Variants in LZTR1 observed in about 807,000 individuals in gnomAD.
LZTR1 encodes leucine-zipper-like transcriptional regulator 1.
LZTR1 carries 260 observed loss-of-function variants against 105.7 expected under a neutral mutation model. The ratio of observed to expected loss-of-function variants is 2.46; its 90% CI spans 2.22 to 2.72. LZTR1 has a LOEUF of 2.72. Ranked by LOEUF, LZTR1 falls within the 30% of genes most tolerant of loss-of-function variation. LZTR1 has a pLI of 0.00. For missense variants in LZTR1, 1,214 were observed against 1,166.9 expected (o/e 1.04, Z -0.59); for synonymous variants, 490 against 476.4 (o/e 1.03, Z -0.37).
intron 4 of LZTR1, 36 bp downstream of exon 4, chr22:20,987,619 C>T: frequency 6.3e-7 from 1 of 1,583,638 alleles, no homozygotes; most frequent in Non-Finnish European, 8.7e-7. Context: ...GCTGTGTCGC[C>T]CCGAGGCCCA....
rs139080986 is a variant in LZTR1 at position 20,995,996 on chromosome 22, C to T, written c.2103C>T (p.Pro701=). The T allele has an allele frequency of 6.5e-4, 1,052 of 1,613,716 alleles. 6 individuals carry two copies. The African/African-American group carries it at 0.013, about 19-fold the overall frequency. The change falls in exon 18 of 21, where the codon CCC becomes CCT. Residue 701 remains proline (P), a synonymous_variant. Transcript: ENST00000646124. ...YFEAMFRSFM[P]EDGQVNISIG... is the part of the protein sequence containing the mutation. Reference sequence around the variant, plus strand: ...AAGCCATGTTCCGGTCCTTCATGCCCGAAGATGGGCAGGTGAACATCTCCA... The same window carrying T: ...AAGCCATGTTCCGGTCCTTCATGCCTGAAGATGGGCAGGTGAACATCTCCA...
chr22:20,994,958 TA>T lies in LZTR1; in HGVS notation c.1875del (p.Ile625MetfsTer27). The T allele has an allele frequency of 6.2e-7, 1 of 1,612,488 alleles. No homozygotes were observed. Among genetic ancestry groups the T allele is most frequent in the Non-Finnish European group, 8.5e-7 (1 of 1,179,264 alleles). On this transcript the variant is annotated frameshift_variant, in exon 16 of 21. Coordinates refer to ENST00000646124, the MANE Select transcript of LZTR1 (RefSeq NM_006767.4). LOFTEE classifies it high-confidence loss of function. The stretch of plus-strand genomic sequence containing the variant: ...TTCGAGCGCCTCTCCTCTCCACTGA[TA>T]GTGGAGATTGTGCGGCGGAAGCAGC... The part of the protein sequence containing the change: ...KEFERLSSPL[I>X]VEIVRRKQQP...
Position 20,988,880 on chromosome 22 carries a change from G to C in LZTR1, c.593+8G>C. ...CTATGACGGCAACGCCAGGTGGGTG[G>C]TGGTCCGGCCTGTGCACCCCACCTC... is the stretch of plus-strand genomic sequence containing the variant. On this transcript the variant is annotated splice_region_variant and intron_variant, in intron 6 of 20. Coordinates refer to ENST00000646124, the MANE Select transcript of LZTR1 (RefSeq NM_006767.4). 1 of 1,613,362 alleles carries C rather than the reference G, an allele frequency of 6.2e-7. No individual in the cohort carries two copies. The highest frequency in any genetic ancestry group is 1.1e-5 in the South Asian group (1 of 91,086).
At chr22:20,992,762 C>A in intron 10 of LZTR1, 32 bp from the exon 11 acceptor site, 1 of 1,383,074 alleles carries the variant, frequency 7.2e-7, no homozygotes, top group East Asian at 2.5e-5. Context: ...CTCTGCTCCC[C>A]CACCATTCCA....
In LZTR1 at chr22:20,988,793, C is replaced by A; in HGVS notation, c.514C>A (p.Pro172Thr). The A allele has an allele frequency of 6.2e-7, 1 of 1,613,666 alleles. No individual in the cohort carries two copies. The change falls in exon 6 of 21, where the codon CCA (proline) becomes ACA (threonine). Residue 172 changes from proline to threonine, a missense_variant. Pro to Thr is a conservative substitution (Grantham distance 38). Transcript: ENST00000646124. ...WTEWKIEGRL[P>T]VARSAHGATV... Reference sequence around the variant, plus strand: ...CCCTCTTCCCTCACACTCCAGGTTGCCAGTCGCTAGGTCAGCCCATGGGGC... The same window carrying A: ...CCCTCTTCCCTCACACTCCAGGTTGACAGTCGCTAGGTCAGCCCATGGGGC...
At chr22:20,995,623 C>A in intron 16 of LZTR1, 123 bp from the exon 17 acceptor site, 1 of 1,253,072 alleles carries the variant, frequency 8.0e-7, no homozygotes, top group South Asian at 1.3e-5. Flanking sequence ...CGAGTGAGGC[C>A]TTCTGCCTGG....
chr22:20,988,603 C>T (rs890832410), intron 5 of LZTR1, among the ~76,000 whole-genome samples, 186 bp from the exon 6 acceptor site: 1 of 152,236 alleles, frequency 6.6e-6, no homozygotes, highest in Admixed American at 6.5e-5. Flanking sequence ...AATTCCTCTT[C>T]AAGCCACTAG....
At chr22:20,984,293 T>C (rs1319709886) in intron 2 of LZTR1, among the ~76,000 whole-genome samples, 1 of 152,204 alleles carries the variant, frequency 6.6e-6, no homozygotes, top group Non-Finnish European at 1.5e-5. Flanking sequence ...ACTCCATAAA[T>C]GTTTGTCAAA....
rs544382017 is a variant in LZTR1 at position 20,994,599 on chromosome 22, C to T, written c.1657C>T (p.Leu553=). Residue 553 remains leucine (L), a synonymous_variant, in exon 15 of 21, where the codon CTG becomes TTG. Coordinates refer to ENST00000646124, the MANE Select transcript of LZTR1 (RefSeq NM_006767.4). ...DVLLIMDVYK[L]ALSFQLCRLE... is the part of the protein sequence containing the mutation. ...GCTGCTCATCATGGATGTGTACAAA[C>T]TGGCACTGAGCTTCCAGTTGTGCCG... The T allele has an allele frequency of 6.2e-7, 1 of 1,612,488 alleles. No homozygotes were observed. The highest frequency in any genetic ancestry group is 1.1e-5 in the South Asian group (1 of 91,086).
rs558863852 is a variant in LZTR1, at chr22:20,995,119, C to T, written c.1942+93C>T. The T allele has an allele frequency of 4.9e-6, 7 of 1,434,892 alleles. No homozygotes were observed. The East Asian group carries it at 1.6e-4, about 33-fold the overall frequency. The allele number at this position is 1,434,892 out of a possible 1,614,324, so 88.9% of individuals were successfully genotyped here. ...GAGCCATGGAGAGCACCTGCCAGGC[C>T]CTCGGGGTGGGGGTGGGTGCCATGG... On this transcript the variant is annotated intron_variant, in intron 16 of 20. Transcript: ENST00000646124.
rs932663790 is a variant in LZTR1, at chr22:20,997,605, G to C, written c.*257G>C. Reference sequence around the variant, plus strand: ...CATCACCCTCTCCTGGTGTAGTGTGGATGCGAGGCCACGGCTCAGTGATGG... The same window carrying C: ...CATCACCCTCTCCTGGTGTAGTGTGCATGCGAGGCCACGGCTCAGTGATGG... On this transcript the variant is annotated 3_prime_UTR_variant, in exon 21 of 21. Coordinates refer to ENST00000646124, the MANE Select transcript of LZTR1 (RefSeq NM_006767.4). The C allele has an allele frequency of 7.2e-6, 3 of 414,082 alleles. No individual in the cohort carries two copies. The highest frequency in any genetic ancestry group is 4.0e-5 in the African/African-American group (2 of 49,472). The allele number at this position is 414,082 out of a possible 1,614,324, so 25.7% of individuals were successfully genotyped here. A position where few individuals can be genotyped will look rare whatever the true frequency, so the allele number is the denominator to read the frequency against.
intron 16 of LZTR1, chr22:20,995,487 C>T (rs569967068): frequency 1.5e-6 from 1 of 666,004 alleles, no homozygotes; most frequent in South Asian, 1.5e-5. Context: ...ATCATGAGGT[C>T]AGCGAGGGGG....
rs1417113661 is a variant in LZTR1 at position 20,987,536 on chromosome 22, GT to G, written c.355del (p.Tyr119ThrfsTer28). ...AFTTGTPPAP[R>X]YHHSAVVYGS... Reference sequence around the variant, plus strand: ...ACCACTGGGACCCCACCGGCCCCCCGTTACCACCACTCGGCCGTCGTCTATG... The same window carrying G: ...ACCACTGGGACCCCACCGGCCCCCCGTACCACCACTCGGCCGTCGTCTATG... On this transcript the variant is annotated frameshift_variant, in exon 4 of 21. Coordinates refer to ENST00000646124, the MANE Select transcript of LZTR1 (RefSeq NM_006767.4). LOFTEE classifies it high-confidence loss of function. 1.2e-6 allele frequency: 2 copies of G among 1,613,898 alleles called. No individual in the cohort carries two copies. Among genetic ancestry groups the G allele is most frequent in the Non-Finnish European group, 1.7e-6 (2 of 1,179,998 alleles).
rs558697941 is a variant in LZTR1, at chr22:20,994,031, A to C, written c.1449+12A>C. 1.2e-6 allele frequency: 2 copies of C among 1,600,134 alleles called. No individual in the cohort carries two copies. Among genetic ancestry groups the C allele is most frequent in the South Asian group, 2.3e-5 (2 of 88,844 alleles). On this transcript the variant is annotated intron_variant, in intron 13 of 20. Coordinates refer to ENST00000646124, the MANE Select transcript of LZTR1 (RefSeq NM_006767.4). ...AGAGGCTGGCCCAGGTGAGGTGCCT[A>C]ACCGCCCTGCCCTGACCTGGCAGCC... is the stretch of plus-strand genomic sequence containing the variant.
chr22:20,992,929 G>C (rs1052892289), intron 11 of LZTR1, 25 bp downstream of exon 11: 3 of 1,488,960 alleles, frequency 2.0e-6, no homozygotes, highest in Non-Finnish European at 2.8e-6. Flanking sequence ...GGCCTGTAGA[G>C]CCGGCTGGGT....
chr22:20,995,643 T>A (rs1924807079), intron 16 of LZTR1, 103 bp from the exon 17 acceptor site: 1 of 1,430,384 alleles, frequency 7.0e-7, no homozygotes, highest in East Asian at 2.3e-5. Context: ...GGTGAAGTTT[T>A]GTTCAGGGCA....
Position 20,996,792 on chromosome 22 carries a change from C to A in LZTR1, c.2316C>A (p.Asn772Lys), listed in dbSNP as rs140327903. The A allele has an allele frequency of 1.2e-6, 2 of 1,613,614 alleles. No individual in the cohort carries two copies. Among genetic ancestry groups the A allele is most frequent in the South Asian group, 1.1e-5 (1 of 91,082 alleles). Reference protein sequence around the residue: ...QNLEMNVTVQNVLQILEAADK... With the variant: ...QNLEMNVTVQKVLQILEAADK... ...TGGAGATGAACGTGACGGTGCAGAA[C>A]GTGCTGCAGGTAGCCCCCCAGCCCC... The change falls in exon 19 of 21, where the codon AAC (asparagine) becomes AAA (lysine). Residue 772 changes from asparagine (N) to lysine (K), a missense_variant. Coordinates refer to ENST00000646124, the MANE Select transcript of LZTR1 (RefSeq NM_006767.4).
rs1569158109 is a variant in LZTR1, at chr22:20,996,111, C to G, written c.2218C>G (p.Leu740Val). The G allele has an allele frequency of 6.2e-7, 1 of 1,611,862 alleles. No individual in the cohort carries two copies. The highest frequency in any genetic ancestry group is 8.5e-7 in the Non-Finnish European group (1 of 1,179,752). ...GEVNMPPEDS[L>V]YLFAAPYYYG... The stretch of plus-strand genomic sequence containing the variant: ...GGTCAACATGCCGCCCGAGGACTCG[C>G]TGCATCCTCACTCCCCAGTGAACTC... The change falls in exon 18 of 21, where the codon CTC becomes GTC. Residue 740 changes from leucine (L) to valine (V), a missense_variant and splice_region_variant. By Grantham distance (32) the Leu-to-Val change is conservative. Transcript: ENST00000646124.
Position 20,993,356 on chromosome 22 carries a change from A to G in LZTR1, c.1261-306A>G. The stretch of plus-strand genomic sequence containing the variant: ...CTGGTGGGGGCCAGTGTGAGGACGC[A>G]GGTCCAGGCAGAGTGGAGACGGCAG... On this transcript the variant is annotated intron_variant, in intron 11 of 20. Coordinates refer to ENST00000646124, the MANE Select transcript of LZTR1 (RefSeq NM_006767.4). 4.0e-6 allele frequency: 2 copies of G among 500,786 alleles called. 1 individual carries two copies. The highest frequency in any genetic ancestry group is 5.1e-5 in the South Asian group (2 of 39,472). The allele number at this position is 500,786 out of a possible 1,614,324, so 31.0% of individuals were successfully genotyped here.
Sources: gnomAD v4.1 joint callset for allele counts (sites outside exome capture counted in the v4.1 genomes callset) on GRCh38, gnomAD v4.1.1 for gene constraint, MANE v1.5 for transcripts, NCBI Gene and HGNC (gene_info 2026-07-23, HGNC 2026-07-21) for gene names.